IL1RAPL2: variants seen among roughly 807,000 people sequenced by gnomAD.
The protein encoded by IL1RAPL2 is interleukin 1 receptor accessory protein like 2.
IL1RAPL2 carries 3 observed loss-of-function variants against 44.1 expected under a neutral mutation model. That is an observed-to-expected ratio of 0.07 (90% confidence interval 0.03 to 0.18). IL1RAPL2 has a LOEUF of 0.18. Among genes scored for constraint, IL1RAPL2 ranks in the 10% least tolerant of loss-of-function variants. The pLI, the probability that IL1RAPL2 is intolerant of heterozygous loss-of-function variation, is 1.00. For synonymous variants in IL1RAPL2, 181 were observed against 178.8 expected (o/e 1.01, Z -0.10); for missense variants, 391 against 496.4 (o/e 0.79, Z 2.02).
intron 5 of IL1RAPL2, among the ~76,000 whole-genome samples, chrX:105,308,680 C>T (rs765296464): frequency 1.2e-4 from 14 of 112,245 alleles, no homozygotes; most frequent in Admixed American, 1.0e-3. Context: ...ACTAAAGATC[C>T]GTCGTCCTGT....
chrX:105,763,173 A>G (rs1237714845), intron 10 of IL1RAPL2, among the ~76,000 whole-genome samples: 2 of 111,983 alleles, frequency 1.8e-5, no homozygotes, highest in Non-Finnish European at 3.8e-5. Context: ...CGTAGATTAT[A>G]TATGGTCTCT....
chrX:105,452,829 T>C (rs1193652442), intron 5 of IL1RAPL2, among the ~76,000 whole-genome samples: 1 of 112,293 alleles, frequency 8.9e-6, no homozygotes, highest in Non-Finnish European at 1.9e-5. Flanking sequence ...CACAAAAGAA[T>C]GAAAAATGAG....
At chrX:105,400,715 CT>C (rs748569336) in intron 5 of IL1RAPL2, among the ~76,000 whole-genome samples, 30 of 112,081 alleles carry the variant, frequency 2.7e-4, no homozygotes, top group African/African-American at 9.7e-4. Flanking sequence ...ACTAAGTTAA[CT>C]TGTCTTTTCA....
chrX:104,661,423 T>C (rs1424675997), intron 2 of IL1RAPL2, among the ~76,000 whole-genome samples: 1 of 111,435 alleles, frequency 9.0e-6, no homozygotes, highest in Non-Finnish European at 1.9e-5. Flanking sequence ...TGTGCTTGTC[T>C]CTGTGTGTTT....
chrX:104,837,731 A>G (rs1328020069), intron 2 of IL1RAPL2, among the ~76,000 whole-genome samples: 1 of 111,605 alleles, frequency 9.0e-6, no homozygotes, highest in Admixed American at 9.5e-5. Flanking sequence ...CTTTAGTTTA[A>G]TTAGATCCCA....
chrX:104,832,253 T>G (rs1359747143), intron 2 of IL1RAPL2, among the ~76,000 whole-genome samples: 2 of 112,264 alleles, frequency 1.8e-5, no homozygotes, highest in Admixed American at 1.9e-4. Context: ...TTAATTTTTT[T>G]GTTTTTGCTT....
intron 2 of IL1RAPL2, among the ~76,000 whole-genome samples, chrX:104,792,736 T>G (rs945735704): frequency 9.0e-6 from 1 of 111,395 alleles, no homozygotes; most frequent in African/African-American, 3.3e-5. Context: ...CTGATGATTT[T>G]GGGCCTGGTC....
At chrX:104,610,748 T>C (rs1206392210) in intron 1 of IL1RAPL2, among the ~76,000 whole-genome samples, 2 of 111,892 alleles carry the variant, frequency 1.8e-5, no homozygotes, top group Non-Finnish European at 3.8e-5. Flanking sequence ...AAGCTACCAA[T>C]GACTTTCTTC....
In IL1RAPL2 at chrX:105,309,531, A is replaced by C. The variant is rs187759566; in HGVS notation, c.697+41990A>C. 8.0e-3 allele frequency among the ~76,000 whole-genome samples: 849 copies of C among 106,708 alleles called. 7 individuals are homozygous for C. Among genetic ancestry groups the C allele is most frequent in the African/African-American group, 0.028 (813 of 29,434 alleles). The allele number at this position is 106,708 out of a possible 115,157, so 92.7% of individuals were successfully genotyped here. A position where few individuals can be genotyped will look rare whatever the true frequency, so the allele number is the denominator to read the frequency against. On this transcript the variant is annotated intron_variant, in intron 5 of 10. Coordinates refer to ENST00000372582, the MANE Select transcript of IL1RAPL2 (RefSeq NM_017416.2). Reference sequence around the variant, plus strand: ...CAGATTACCTGAGGTCAGGAGTTTGAGACCAGCCTGGCCAACATGGTGAAA... The same window carrying C: ...CAGATTACCTGAGGTCAGGAGTTTGCGACCAGCCTGGCCAACATGGTGAAA...
intron 1 of IL1RAPL2, among the ~76,000 whole-genome samples, chrX:104,642,457 G>A (rs1297160080): frequency 9.0e-6 from 1 of 111,268 alleles, no homozygotes; most frequent in Non-Finnish European, 1.9e-5. Flanking sequence ...GGACATAATA[G>A]TGCATAAATC....
At chrX:105,290,093 G>A (rs2034601415) in intron 5 of IL1RAPL2, among the ~76,000 whole-genome samples, 1 of 111,400 alleles carries the variant, frequency 9.0e-6, no homozygotes, top group Admixed American at 9.6e-5. Flanking sequence ...TGATCTGACA[G>A]GATCCAATCT....
At chrX:104,988,616 A>G (rs184007645) in intron 2 of IL1RAPL2, among the ~76,000 whole-genome samples, 4 of 112,101 alleles carry the variant, frequency 3.6e-5, no homozygotes, top group Non-Finnish European at 7.5e-5. Context: ...CACTATGACA[A>G]TATTACTGCT....
At chrX:104,696,374 G>A (rs1053138745) in intron 2 of IL1RAPL2, among the ~76,000 whole-genome samples, 2 of 112,060 alleles carry the variant, frequency 1.8e-5, no homozygotes, top group African/African-American at 3.2e-5. Flanking sequence ...CAAAGTATCA[G>A]CAGCATTGGC....
chrX:105,171,022 A>G (rs1360222209), intron 2 of IL1RAPL2, among the ~76,000 whole-genome samples: 1 of 111,372 alleles, frequency 9.0e-6, no homozygotes, highest in Non-Finnish European at 1.9e-5. Context: ...ATATTCCTTC[A>G]TGGAGTTGTT....
intron 5 of IL1RAPL2, among the ~76,000 whole-genome samples, chrX:105,466,780 G>A (rs892529082): frequency 9.0e-6 from 1 of 111,019 alleles, no homozygotes; most frequent in Non-Finnish European, 1.9e-5. Flanking sequence ...TCTGAGACTG[G>A]GTAATTAAAA....
At chrX:105,123,537 T>A (rs1165587897) in intron 2 of IL1RAPL2, among the ~76,000 whole-genome samples, 1 of 111,337 alleles carries the variant, frequency 9.0e-6, no homozygotes, top group Admixed American at 9.6e-5. Context: ...AAACACATCT[T>A]CTTTCTGTAT....
intron 2 of IL1RAPL2, among the ~76,000 whole-genome samples, chrX:104,683,907 C>T (rs777050573): frequency 8.9e-6 from 1 of 112,115 alleles, no homozygotes; most frequent in South Asian, 3.8e-4. Flanking sequence ...GACCCTCCAC[C>T]TCACCTACTT....
At chrX:104,794,840 G>T (rs1433860400) in intron 2 of IL1RAPL2, among the ~76,000 whole-genome samples, 1 of 111,850 alleles carries the variant, frequency 8.9e-6, no homozygotes, top group Non-Finnish European at 1.9e-5. Flanking sequence ...CAGGTGAAGG[G>T]ACTTGAAGTG....
chrX:105,530,886 TC>T (rs1161243143), intron 6 of IL1RAPL2, among the ~76,000 whole-genome samples: 1 of 111,263 alleles, frequency 9.0e-6, no homozygotes, highest in Non-Finnish European at 1.9e-5. Context: ...GATATTCAGT[TC>T]CATCCATGTT....
Sources: gnomAD v4.1 joint callset for allele counts (sites outside exome capture counted in the v4.1 genomes callset) on GRCh38, gnomAD v4.1.1 for gene constraint, MANE v1.5 for transcripts, NCBI Gene and HGNC (gene_info 2026-07-23, HGNC 2026-07-21) for gene names.